MID1: variants seen among roughly 807,000 people sequenced by gnomAD.
MID1 encodes the protein E3 ubiquitin-protein ligase Midline-1.
Under a neutral mutation model 40.4 loss-of-function variants are expected in MID1, and 7 were observed. The observed-to-expected ratio is 0.17, with a 90% CI of 0.10 to 0.33. The LOEUF is 0.33. MID1 is among the 10% of genes least tolerant of loss of function. The pLI is 1.00. For synonymous variants in MID1, 229 were observed against 221.2 expected, an observed-to-expected ratio of 1.04 and a Z score of -0.31; for missense variants, 367 against 558.5, an observed-to-expected ratio of 0.66 and a Z score of 3.46.
chrX:10,455,340 C>T (rs759574798), intron 8 of MID1, among the ~76,000 whole-genome samples: 19 of 111,901 alleles, frequency 1.7e-4, no homozygotes, highest in African/African-American at 5.2e-4. Context: ...TAGTACAGTA[C>T]ACAGTAAGAG....
At position 10,450,016 on chromosome X, in the gene MID1, CTT is replaced by C. The variant is rs200854707; in HGVS notation, c.1656-302_1656-301del. On this transcript the variant is annotated intron_variant, in intron 9 of 9. Transcript: ENST00000317552. ...TTGAGTTTTGCTGCTTTTTTTCACT[CTT>C]ATAAAAATCTACACAATGAATTCGC... Among the ~76,000 whole-genome samples, 1,094 of 110,310 alleles carry C rather than the reference CTT, an allele frequency of 9.9e-3. 12 individuals are homozygous for C. Among genetic ancestry groups the C allele is most frequent in the African/African-American group, 0.035 (1,047 of 30,179 alleles).
intron 1 of MID1, among the ~76,000 whole-genome samples, chrX:10,693,560 C>G (rs2043144083): frequency 9.0e-6 from 1 of 111,395 alleles, no homozygotes; most frequent in Non-Finnish European, 1.9e-5. Flanking sequence ...TGGATATTAA[C>G]AGTTCTAGCT....
At chrX:10,584,779 G>A (rs777511301) in intron 1 of MID1, among the ~76,000 whole-genome samples, 3 of 111,889 alleles carry the variant, frequency 2.7e-5, no homozygotes, top group Admixed American at 9.5e-5. Context: ...GAAAATAATC[G>A]CAGAGAAAAT....
At position 10,449,746 on chromosome X, in the gene MID1, C is replaced by T. The variant is rs756537393; in HGVS notation, c.1656-30G>A. ...GGAAACAAAACAGCAACAACAAAAACAATGAGCCATGTTGCACATGCACGT... is the reference window on the plus strand; with the variant it reads ...GGAAACAAAACAGCAACAACAAAAATAATGAGCCATGTTGCACATGCACGT... On this transcript the variant is annotated intron_variant, in intron 9 of 9. Transcript: ENST00000317552. 5.6e-6 allele frequency: 6 copies of T among 1,069,307 alleles called. No homozygotes were observed. The South Asian group carries it at 1.1e-4, about 20-fold the overall frequency. The allele number at this position is 1,069,307 out of a possible 1,213,427, so 88.1% of individuals were successfully genotyped here.
At chrX:10,778,064 T>C (rs758907927) in intron 1 of MID1, among the ~76,000 whole-genome samples, 4 of 111,870 alleles carry the variant, frequency 3.6e-5, no homozygotes, top group Non-Finnish European at 5.6e-5. Flanking sequence ...GTAGAAGGTG[T>C]ATACTTTAAA....
chrX:10,829,402 A>G (rs1030026921), intron 1 of MID1, among the ~76,000 whole-genome samples: 2 of 112,184 alleles, frequency 1.8e-5, no homozygotes, highest in African/African-American at 6.5e-5. Context: ...GAGTGTGAGT[A>G]TACTCAACTC....
chrX:10,455,678 TAG>T (rs1257916257), intron 8 of MID1, among the ~76,000 whole-genome samples: 1 of 112,129 alleles, frequency 8.9e-6, no homozygotes, highest in Admixed American at 9.5e-5. Context: ...TAGAATATTC[TAG>T]AGGTTTATAT....
At chrX:10,762,558 C>G (rs1280339126) in intron 1 of MID1, among the ~76,000 whole-genome samples, 1 of 109,983 alleles carries the variant, frequency 9.1e-6, no homozygotes, top group Non-Finnish European at 1.9e-5. Context: ...CTCAGCCCCC[C>G]AAGTAGTTGG....
chrX:10,614,281 C>T (rs1935803218), intron 1 of MID1, among the ~76,000 whole-genome samples: 1 of 111,945 alleles, frequency 8.9e-6, no homozygotes, highest in Non-Finnish European at 1.9e-5. Flanking sequence ...ATAATTCCCT[C>T]TCAACTGGGG....
intron 1 of MID1, among the ~76,000 whole-genome samples, chrX:10,613,696 A>AATATATATATATATATATATATATAT (rs1177605401): frequency 5.9e-5 from 1 of 16,849 alleles, no homozygotes; most frequent in Non-Finnish European, 8.5e-5. Flanking sequence ...AACTGAAAGG[A>AATATATATATATATATATATATATAT]ATATATATAT....
chrX:10,706,602 A>G (rs1257135686), intron 1 of MID1, among the ~76,000 whole-genome samples: 1 of 111,121 alleles, frequency 9.0e-6, no homozygotes, highest in East Asian at 2.8e-4. Flanking sequence ...CCTTTCCACT[A>G]TGATTGTAAG....
intron 2 of MID1, among the ~76,000 whole-genome samples, chrX:10,558,696 G>C (rs775775063): frequency 8.9e-6 from 1 of 112,731 alleles, no homozygotes; most frequent in African/African-American, 3.2e-5. Flanking sequence ...CTTTCTGTAG[G>C]CCAGGCACAA....
chrX:10,459,834 G>C (rs750923143), intron 7 of MID1, 27 bp from the exon 8 acceptor site: 5 of 1,191,878 alleles, frequency 4.2e-6, no homozygotes, highest in Non-Finnish European at 4.5e-6. Flanking sequence ...ACATGGTGCA[G>C]TTCTTTGGCA....
rs1188069622 is a variant in MID1, at chrX:10,730,564, C to CTT, written c.-187+102988_-187+102989dup. ...AACTAACCTTTCAGATCAGATACATCTTTTTTTTTTTTTTTTTTTTTTTCT... is the reference window on the plus strand; with the variant it reads ...AACTAACCTTTCAGATCAGATACATCTTTTTTTTTTTTTTTTTTTTTTTTTCT... On this transcript the variant is annotated intron_variant, in intron 1 of 10. Coordinates refer to the MID1 transcript ENST00000380785. Among the ~76,000 whole-genome samples, 657 of 77,982 alleles carry CTT rather than the reference C, an allele frequency of 8.4e-3. 24 individuals carry two copies. The highest frequency in any genetic ancestry group is 0.019 in the African/African-American group (335 of 17,784). The allele number at this position is 77,982 out of a possible 115,157, so 67.7% of individuals were successfully genotyped here.
chrX:10,512,431 C>T (rs183435613), intron 3 of MID1, among the ~76,000 whole-genome samples: 237 of 112,838 alleles, frequency 2.1e-3, no homozygotes, highest in Non-Finnish European at 3.8e-3. Flanking sequence ...CTTGTTATAT[C>T]TGGCTTCAGG....
chrX:10,465,214 TACACACACACACACACACAC>T (rs775197915), intron 7 of MID1, among the ~76,000 whole-genome samples: 2 of 39,902 alleles, frequency 5.0e-5, no homozygotes, highest in Non-Finnish European at 8.3e-5. Context: ...TATATATATA[TACACACACACACACACACAC>T]ACACACACAC....
At chrX:10,670,637 T>C (rs1039440908) in intron 1 of MID1, among the ~76,000 whole-genome samples, 1 of 112,032 alleles carries the variant, frequency 8.9e-6, no homozygotes, top group African/African-American at 3.2e-5. Flanking sequence ...TCCTAAGGCA[T>C]TTAAAAATTT....
intron 3 of MID1, among the ~76,000 whole-genome samples, chrX:10,516,808 G>T (rs1467634671): frequency 9.2e-6 from 1 of 109,266 alleles, no homozygotes; most frequent in Non-Finnish European, 1.9e-5. Context: ...TAGAGACGAG[G>T]TCTCACTGTA....
chrX:10,794,268 G>C (rs1000513334), intron 1 of MID1, among the ~76,000 whole-genome samples: 2 of 111,825 alleles, frequency 1.8e-5, no homozygotes, highest in Admixed American at 1.9e-4. Context: ...ATTTACAACT[G>C]TCCCCACCCC....
Sources: gnomAD v4.1 joint callset for allele counts (sites outside exome capture counted in the v4.1 genomes callset) on GRCh38, gnomAD v4.1.1 for gene constraint, MANE v1.5 for transcripts, NCBI Gene and HGNC (gene_info 2026-07-23, HGNC 2026-07-21) for gene names.